PNLDC1: variants seen among roughly 807,000 people sequenced by gnomAD.
PNLDC1 encodes the protein poly(A)-specific ribonuclease PNLDC1.
In PNLDC1, 70 loss-of-function variants were observed where a neutral mutation model predicts 82.0. The observed-to-expected ratio is 0.85, with a 90% confidence interval of 0.70 to 1.04. The LOEUF (loss-of-function observed/expected upper bound fraction) is 1.04. Ranked by LOEUF, PNLDC1 falls within the 50% of genes least tolerant of loss-of-function variation. PNLDC1 has a pLI of 0.00. For synonymous variants in PNLDC1, 280 were observed against 249.3 expected (o/e 1.12, Z -1.16); for missense variants, 631 against 661.1 (o/e 0.95, Z 0.50).
rs114416866 is a variant in PNLDC1 at position 159,818,298 on chromosome 6, A to G, written c.1158-257A>G. ...TCTGAGCCTATTGCTGTTTGTCACC[A>G]GTGGGACCCTCACCAAACCATCACC... On this transcript the variant is annotated intron_variant, in intron 15 of 18. Transcript: ENST00000392167. 7.9e-3 allele frequency among the ~76,000 whole-genome samples: 1,196 copies of G among 152,316 alleles called. 13 individuals are homozygous for G. The highest frequency in any genetic ancestry group is 0.026 in the African/African-American group (1,100 of 41,558).
intron 6 of PNLDC1, 136 bp downstream of exon 6, chr6:159,804,773 A>G (rs1328084961): frequency 1.8e-5 from 11 of 626,872 alleles, no homozygotes; most frequent in Non-Finnish European, 3.1e-5. Flanking sequence ...CTGCCTGTGC[A>G]GCTGGCGCTG....
chr6:159,809,819 C>G (rs1158196853), intron 9 of PNLDC1, among the ~76,000 whole-genome samples: 1 of 152,188 alleles, frequency 6.6e-6, no homozygotes, highest in African/African-American at 2.4e-5. Flanking sequence ...GTGCCTCCTA[C>G]TTGTGAATTG....
intron 3 of PNLDC1, among the ~76,000 whole-genome samples, chr6:159,801,492 A>G (rs4709374): frequency 0.48 from 72,814 of 152,046 alleles, 18,324 homozygotes; most frequent in Non-Finnish European, 0.55. Context: ...TGTCACCAAG[A>G]CTGGAGTGCA....
At chr6:159,808,880 T>C in intron 8 of PNLDC1, 64 bp downstream of exon 8, 1 of 1,600,352 alleles carries the variant, frequency 6.2e-7, no homozygotes. Flanking sequence ...ATTGGCCAAA[T>C]CTGGCCTCTG....
At position 159,811,568 on chromosome 6, in the gene PNLDC1, G is replaced by T. The variant is rs931414075; in HGVS notation, c.854-133G>T. On this transcript the variant is annotated intron_variant, in intron 10 of 18. Coordinates refer to ENST00000392167, the MANE Select transcript of PNLDC1 (RefSeq NM_001271862.2). The stretch of plus-strand genomic sequence containing the variant: ...AAATCCTTAGTGGCTAGGATTAATG[G>T]TGTTTTCAATTCCTGTTTTGTTTCA... The T allele has an allele frequency of 2.7e-5, 18 of 669,870 alleles. No individual in the cohort carries two copies. In the African/African-American group the frequency reaches 3.1e-4, roughly 11 times the overall value. The allele number at this position is 669,870 out of a possible 1,614,324, so 41.5% of individuals were successfully genotyped here.
intron 11 of PNLDC1, among the ~76,000 whole-genome samples, chr6:159,812,667 C>T (rs1183251598): frequency 1.3e-5 from 2 of 152,050 alleles, no homozygotes; most frequent in East Asian, 1.9e-4. Flanking sequence ...GTTGTGGAGT[C>T]GAGGCTGTGT....
intron 10 of PNLDC1, among the ~76,000 whole-genome samples, chr6:159,810,976 C>T (rs2115044315): frequency 6.6e-6 from 1 of 152,278 alleles, no homozygotes; most frequent in African/African-American, 2.4e-5. Flanking sequence ...TTGTAGCCAC[C>T]ACAGAGCCTT....
chr6:159,800,898 C>T, intron 2 of PNLDC1, 69 bp downstream of exon 2: 2 of 1,607,064 alleles, frequency 1.2e-6, no homozygotes, highest in Non-Finnish European at 1.7e-6. Context: ...GGCCAGCAGC[C>T]TGTTGGCATT....
At chr6:159,803,916 G>GT (rs1451612147) in intron 4 of PNLDC1, 49 bp from the exon 5 acceptor site, 2 of 1,575,014 alleles carry the variant, frequency 1.3e-6, no homozygotes, top group Non-Finnish European at 8.6e-7. Context: ...GGGAGCCAGA[G>GT]TTTTTTAAAT....
At chr6:159,807,733 G>A (rs6899534) in intron 7 of PNLDC1, among the ~76,000 whole-genome samples, 2,563 of 152,288 alleles carry the variant, frequency 0.017, 38 homozygotes, top group Middle Eastern at 0.068. Flanking sequence ...CCAGTGGATT[G>A]TAATGTAGCA....
intron 15 of PNLDC1, among the ~76,000 whole-genome samples, chr6:159,817,962 A>G (rs543498002): frequency 1.3e-5 from 2 of 152,344 alleles, no homozygotes; most frequent in Admixed American, 1.3e-4. Context: ...TTGACTGTTA[A>G]AGGGCCCCCT....
At chr6:159,818,366 C>T (rs945049327) in intron 15 of PNLDC1, among the ~76,000 whole-genome samples, 189 bp from the exon 16 acceptor site, 4 of 152,184 alleles carry the variant, frequency 2.6e-5, no homozygotes, top group African/African-American at 7.2e-5. Flanking sequence ...TATGTGGCCA[C>T]GGAGAATGCT....
intron 6 of PNLDC1, 41 bp from the exon 7 acceptor site, chr6:159,805,942 G>A (rs763895713): frequency 1.3e-6 from 2 of 1,488,542 alleles, no homozygotes; most frequent in Non-Finnish European, 9.4e-7. Flanking sequence ...GTTCTGAAGT[G>A]TTTTTCTCTG....
Position 159,804,614 on chromosome 6 carries a change from G to T in PNLDC1, c.438G>T (p.Leu146=), listed in dbSNP as rs1386972843. The T allele has an allele frequency of 6.2e-7, 1 of 1,610,408 alleles. No homozygotes were observed. Among genetic ancestry groups the T allele is most frequent in the South Asian group, 1.1e-5 (1 of 90,926 alleles). Residue 146 remains leucine (L), a synonymous_variant, in exon 6 of 19, where the codon CTG becomes CTT. Transcript: ENST00000392167. ...EQEKKIRHDI[L]TGNWRVRSSP... is the part of the protein sequence containing the mutation. ...AGAAGAAAATTAGACACGATATCCTGACTGGGAACTGGAGAGTTCGCAGGT... is the reference window on the plus strand; with the variant it reads ...AGAAGAAAATTAGACACGATATCCTTACTGGGAACTGGAGAGTTCGCAGGT...
At chr6:159,818,190 A>G (rs1334144645) in intron 15 of PNLDC1, among the ~76,000 whole-genome samples, 2 of 152,180 alleles carry the variant, frequency 1.3e-5, no homozygotes, top group Non-Finnish European at 2.9e-5. Context: ...GGGATGAGGG[A>G]TGCCCTTTTG....
rs373344092 is a variant in PNLDC1, at chr6:159,809,161, A to G, written c.783+3A>G. 2.5e-6 allele frequency: 4 copies of G among 1,613,444 alleles called. No individual in the cohort carries two copies. The highest frequency in any genetic ancestry group is 2.2e-5 in the South Asian group (2 of 90,956). ...AAATGCTGGTGAAAGCCCAGAAGGTAGGAAAACATGTCTCTTTTCTTGGCC... is the reference window on the plus strand; with the variant it reads ...AAATGCTGGTGAAAGCCCAGAAGGTGGGAAAACATGTCTCTTTTCTTGGCC... On this transcript the variant is annotated splice_donor_region_variant and intron_variant, in intron 9 of 18. Coordinates refer to ENST00000392167, the MANE Select transcript of PNLDC1 (RefSeq NM_001271862.2).
rs541257917 is a variant in PNLDC1, at chr6:159,802,880, G to A, written c.209-391G>A. Among the ~76,000 whole-genome samples the A allele has an allele frequency of 7.2e-5, 11 of 152,006 alleles. No homozygotes were observed. The South Asian group carries it at 2.3e-3, about 32-fold the overall frequency. ...TTACAGGCATAAGCCACCGCACCTGGCCTGAAGTCTTTTTTTTTTTTAACT... is the reference window on the plus strand; with the variant it reads ...TTACAGGCATAAGCCACCGCACCTGACCTGAAGTCTTTTTTTTTTTTAACT... On this transcript the variant is annotated intron_variant, in intron 3 of 18. Coordinates refer to ENST00000392167, the MANE Select transcript of PNLDC1 (RefSeq NM_001271862.2).
In PNLDC1 at chr6:159,819,420, G is replaced by A. The variant is rs977410886; in HGVS notation, c.1532+68G>A. On this transcript the variant is annotated intron_variant, in intron 18 of 18. Coordinates refer to ENST00000392167, the MANE Select transcript of PNLDC1 (RefSeq NM_001271862.2). The surrounding 1 kb of genome is among the most constrained non-coding windows in gnomAD (Gnocchi z 4.6). ...GAGTGCCCGGGGTCCCAGCATCCCA[G>A]CATGGTCTGACTCGAGCACAGCTCA... 7.2e-7 allele frequency: 1 copy of A among 1,397,922 alleles called. No individual in the cohort carries two copies. The highest frequency in any genetic ancestry group is 9.9e-7 in the Non-Finnish European group (1 of 1,007,696). The allele number at this position is 1,397,922 out of a possible 1,614,324, so 86.6% of individuals were successfully genotyped here. A position where few individuals can be genotyped will look rare whatever the true frequency, so the allele number is the denominator to read the frequency against.
At chr6:159,813,755 A>C (rs369461761) in intron 12 of PNLDC1, 99 bp downstream of exon 12, 2 of 1,050,530 alleles carry the variant, frequency 1.9e-6, no homozygotes, top group Admixed American at 1.8e-5. Context: ...CACCATTCAC[A>C]GTGATGCCTG....
Sources: allele counts gnomAD v4.1 joint callset (sites outside exome capture counted in the v4.1 genomes callset), GRCh38; gene constraint gnomAD v4.1.1; non-coding constraint Gnocchi (gnomAD v3.1); transcripts MANE v1.5; gene names NCBI Gene and HGNC (gene_info 2026-07-23, HGNC 2026-07-21).